The following SNX29 variants were observed in gnomAD, a reference collection of about 807,000 sequenced individuals.
SNX29 encodes sorting nexin-29.
SNX29 carries 78 observed loss-of-function variants against 102.1 expected under a neutral mutation model. That is an observed-to-expected ratio of 0.76 (90% CI 0.64 to 0.92). The LOEUF is 0.92. Ranked by LOEUF, SNX29 falls within the 40% of genes least tolerant of loss-of-function variation. The pLI, the probability that SNX29 is intolerant of heterozygous loss-of-function variation, is 0.00. For synonymous variants in SNX29, 580 were observed against 414.5 expected (o/e 1.40, Z -4.85); for missense variants, 1,280 against 1,061.7 (o/e 1.21, Z -2.86).
At chr16:12,505,170 T>A (rs1331526153) in intron 19 of SNX29, among the ~76,000 whole-genome samples, 1 of 152,174 alleles carries the variant, frequency 6.6e-6, no homozygotes, top group Non-Finnish European at 1.5e-5. Flanking sequence ...TGGACAAACG[T>A]TTATCTTCTT....
At chr16:12,458,178 C>T (rs2086620371) in intron 18 of SNX29, among the ~76,000 whole-genome samples, 1 of 152,212 alleles carries the variant, frequency 6.6e-6, no homozygotes, top group Non-Finnish European at 1.5e-5. Context: ...AAACCTCAGG[C>T]CCATTGGGAA....
chr16:12,282,598 G>A lies in SNX29; in HGVS notation c.1782+4562G>A, dbSNP rs940099654. Among the ~76,000 whole-genome samples, 3 of 152,204 alleles carry A rather than the reference G, an allele frequency of 2.0e-5. No individual in the cohort carries two copies. In the East Asian group the frequency reaches 5.8e-4, roughly 29 times the overall value. On this transcript the variant is annotated intron_variant, in intron 15 of 20. Transcript: ENST00000566228. ...GTGTAATGCGTAAAGAATGATAAAT[G>A]TGAGTCCTAGAACCTCAGATTGGGA...
intron 15 of SNX29, among the ~76,000 whole-genome samples, chr16:12,306,404 G>C (rs1179440357): frequency 1.3e-5 from 2 of 151,904 alleles, no homozygotes; most frequent in Non-Finnish European, 2.9e-5. Flanking sequence ...GCCACAGAGA[G>C]AACAATGTCC....
intron 13 of SNX29, among the ~76,000 whole-genome samples, chr16:12,174,594 A>C (rs2076219678): frequency 6.6e-6 from 1 of 152,216 alleles, no homozygotes; most frequent in East Asian, 1.9e-4. Context: ...ATTAACAATG[A>C]CAGACAAACC....
intron 14 of SNX29, among the ~76,000 whole-genome samples, chr16:12,265,654 A>C: frequency 7.6e-6 from 1 of 130,916 alleles, no homozygotes; most frequent in African/African-American, 2.8e-5. Context: ...TGTGCCTAGG[A>C]GTTTGAGACC....
chr16:12,483,983 C>G (rs2088101215), intron 19 of SNX29, among the ~76,000 whole-genome samples: 1 of 152,224 alleles, frequency 6.6e-6, no homozygotes, highest in South Asian at 2.1e-4. Context: ...ATGACGCAAG[C>G]TGGGATGACG....
chr16:12,548,392 G>T lies in SNX29; in HGVS notation c.2319-20114G>T, dbSNP rs550224004. Reference sequence around the variant, plus strand: ...GGAAGGGAGTCCCACACCTTCTAAGGTCTCCTTTGTAACCTACCTCTGGCT... The same window carrying T: ...GGAAGGGAGTCCCACACCTTCTAAGTTCTCCTTTGTAACCTACCTCTGGCT... On this transcript the variant is annotated intron_variant, in intron 20 of 20. Coordinates refer to ENST00000566228, the MANE Select transcript of SNX29 (RefSeq NM_032167.5). Among the ~76,000 whole-genome samples, 7 of 152,270 alleles carry T rather than the reference G, an allele frequency of 4.6e-5. No individual in the cohort carries two copies. The East Asian group carries it at 1.4e-3, about 29-fold the overall frequency.
At chr16:12,509,716 T>G (rs1004336591) in intron 19 of SNX29, among the ~76,000 whole-genome samples, 1 of 152,180 alleles carries the variant, frequency 6.6e-6, no homozygotes, top group Non-Finnish European at 1.5e-5. Flanking sequence ...CCCAGGAGTT[T>G]GAGACCAACC....
At chr16:12,120,313 C>T (rs1017376273) in intron 11 of SNX29, among the ~76,000 whole-genome samples, 2 of 152,152 alleles carry the variant, frequency 1.3e-5, no homozygotes, top group East Asian at 3.9e-4. Flanking sequence ...GAGTATGGGC[C>T]GCAGGGGAGT....
rs145968787 is a variant in SNX29, at chr16:12,249,187, G to C, written c.1679-28746G>C. Among the ~76,000 whole-genome samples, 252 of 152,286 alleles carry C rather than the reference G, an allele frequency of 1.7e-3. 1 individual carries two copies. Among genetic ancestry groups the C allele is most frequent in the Admixed American group, 3.1e-3 (48 of 15,296 alleles). Reference sequence around the variant, plus strand: ...AGCTCATCTCTGCTCCATGATGTCTGAGGCCTCAGCTCATGGCGGAAATGA... The same window carrying C: ...AGCTCATCTCTGCTCCATGATGTCTCAGGCCTCAGCTCATGGCGGAAATGA... On this transcript the variant is annotated intron_variant, in intron 14 of 20. Coordinates refer to ENST00000566228, the MANE Select transcript of SNX29 (RefSeq NM_032167.5).
intron 18 of SNX29, among the ~76,000 whole-genome samples, chr16:12,425,391 G>A (rs754728173): frequency 1.3e-5 from 2 of 152,008 alleles, no homozygotes; most frequent in Non-Finnish European, 2.9e-5. Context: ...TCTGGTCTCT[G>A]GATGATGCCC....
intron 3 of SNX29, among the ~76,000 whole-genome samples, chr16:12,005,270 G>T (rs199748710): frequency 2.7e-4 from 41 of 152,312 alleles, no homozygotes; most frequent in East Asian, 1.9e-4. Flanking sequence ...TCCACACAGG[G>T]ATCCAAGGTC....
At chr16:12,460,977 T>G (rs2086755129) in intron 18 of SNX29, among the ~76,000 whole-genome samples, 1 of 152,252 alleles carries the variant, frequency 6.6e-6, no homozygotes. Context: ...CACATTGCTT[T>G]TGCTAATAAT....
intron 14 of SNX29, among the ~76,000 whole-genome samples, chr16:12,231,944 T>C (rs1353068531): frequency 6.6e-6 from 1 of 152,232 alleles, no homozygotes; most frequent in Non-Finnish European, 1.5e-5. Context: ...TTGGCCTATG[T>C]GTTTCAGGGG....
chr16:12,276,299 T>C (rs1027354603), intron 14 of SNX29, among the ~76,000 whole-genome samples: 1 of 152,106 alleles, frequency 6.6e-6, no homozygotes, highest in Non-Finnish European at 1.5e-5. Context: ...CATAACTGTT[T>C]GGGGTTATCT....
chr16:12,560,726 C>T (rs906621151), intron 20 of SNX29: 11 of 167,200 alleles, frequency 6.6e-5, no homozygotes, highest in African/African-American at 2.4e-4. Flanking sequence ...ACACATTCAA[C>T]ATCAAAACCA....
intron 3 of SNX29, among the ~76,000 whole-genome samples, chr16:12,019,355 G>A (rs781031707): frequency 2.1e-4 from 32 of 152,016 alleles, no homozygotes; most frequent in Admixed American, 1.7e-3. Flanking sequence ...CTACAGGCCC[G>A]CCACCATGCC....
At position 12,116,914 on chromosome 16, in the gene SNX29, G is replaced by A. The variant is rs2053733305; in HGVS notation, c.1403-9719G>A. On this transcript the variant is annotated intron_variant, in intron 11 of 20. Transcript: ENST00000566228. The stretch of plus-strand genomic sequence containing the variant: ...CGGACGAACCGTGGAAACAGGCACG[G>A]TCAATACGTGCTTCAACGAGGACGA... 2.0e-5 allele frequency among the ~76,000 whole-genome samples: 3 copies of A among 152,154 alleles called. No homozygotes were observed. The South Asian group carries it at 6.2e-4, about 32-fold the overall frequency.
intron 20 of SNX29, among the ~76,000 whole-genome samples, chr16:12,546,058 G>T (rs1056871142): frequency 1.3e-5 from 2 of 152,174 alleles, no homozygotes; most frequent in African/African-American, 4.8e-5. Context: ...TGGGAGTGAA[G>T]CAGTCCTGGG....
Sources: allele counts gnomAD v4.1 joint callset (sites outside exome capture counted in the v4.1 genomes callset), GRCh38; gene constraint gnomAD v4.1.1; transcripts MANE v1.5; gene names NCBI Gene and HGNC (gene_info 2026-07-23, HGNC 2026-07-21).